The following MAF variants were observed in gnomAD, a reference collection of about 807,000 sequenced individuals.
The protein encoded by MAF is transcription factor Maf.
In MAF, 10 loss-of-function variants were observed where a neutral mutation model predicts 22.0. The ratio of observed to expected loss-of-function variants is 0.45; its 90% CI spans 0.28 to 0.77. The LOEUF (loss-of-function observed/expected upper bound fraction) is 0.77, where lower values mean the gene tolerates loss of function less well. MAF is among the 30% of genes least tolerant of loss of function. MAF has a pLI of 0.12. For missense variants in MAF, 544 were observed against 548.4 expected (o/e 0.99, Z 0.08); for synonymous variants, 337 against 255.8 (o/e 1.32, Z -3.03).
the MAF span, among the ~76,000 whole-genome samples, chr16:79,429,374 G>C: frequency 2.0e-5 from 3 of 152,190 alleles, no homozygotes; most frequent in South Asian, 6.2e-4. Context: ...GCTCTTTTGT[G>C]TGCCTCCTCT....
the MAF span, among the ~76,000 whole-genome samples, chr16:79,393,837 C>G: frequency 6.6e-6 from 1 of 152,072 alleles, no homozygotes; most frequent in African/African-American, 2.4e-5. Context: ...GCCAAGTGAA[C>G]CTCTGAGGAT....
chr16:79,212,076 G>C, the MAF span: 40 of 1,536,300 alleles, frequency 2.6e-5, no homozygotes, highest in East Asian at 1.5e-4. Context: ...TGTAGGTTCC[G>C]TATCTCCCTG....
At chr16:79,275,747 G>A in the MAF span, among the ~76,000 whole-genome samples, 3 of 152,134 alleles carry the variant, frequency 2.0e-5, no homozygotes, top group Non-Finnish European at 4.4e-5. Context: ...TTCCATTTTT[G>A]TTGAGGGGAA....
chr16:79,301,422 T>A, the MAF span, among the ~76,000 whole-genome samples: 2 of 151,924 alleles, frequency 1.3e-5, no homozygotes, highest in Non-Finnish European at 2.9e-5. Context: ...GAAGTGCATT[T>A]TTTCCCCCCA....
At chr16:79,583,844 G>C (rs1258536283), downstream of MAF, among the ~76,000 whole-genome samples, 2 of 152,174 alleles carry the variant, frequency 1.3e-5, no homozygotes, top group Non-Finnish European at 2.9e-5. Context: ...TAGCCAAATC[G>C]GGTGAAAGGC....
At chr16:79,527,001 T>C in the MAF span, among the ~76,000 whole-genome samples, 4 of 152,238 alleles carry the variant, frequency 2.6e-5, no homozygotes, top group Non-Finnish European at 4.4e-5. Flanking sequence ...GAATGACTCA[T>C]AGAATTTCTG....
At chr16:79,357,536 C>T in the MAF span, among the ~76,000 whole-genome samples, 3,309 of 152,282 alleles carry the variant, frequency 0.022, 143 homozygotes, top group East Asian at 0.18. Context: ...TATGGGAACC[C>T]TGCTGGGTCA....
At chr16:79,437,061 C>T in the MAF span, among the ~76,000 whole-genome samples, 6 of 152,298 alleles carry the variant, frequency 3.9e-5, no homozygotes, top group African/African-American at 1.2e-4. Flanking sequence ...ATGTATCCCC[C>T]ACACTGTTAA....
At chr16:79,344,754 C>G in the MAF span, among the ~76,000 whole-genome samples, 1 of 152,156 alleles carries the variant, frequency 6.6e-6, no homozygotes, top group East Asian at 1.9e-4. Context: ...TTAGGTATGT[C>G]TGATCTGGTG....
At chr16:79,571,352 T>C in the MAF span, among the ~76,000 whole-genome samples, 1 of 152,124 alleles carries the variant, frequency 6.6e-6, no homozygotes, top group East Asian at 1.9e-4. Context: ...ACGGCTCCTC[T>C]GCAGAAACAA....
chr16:79,272,466 G>A, the MAF span, among the ~76,000 whole-genome samples: 2 of 152,150 alleles, frequency 1.3e-5, no homozygotes, highest in African/African-American at 4.8e-5. Context: ...CATCAGTGGA[G>A]GGGGAGGTGG....
At chr16:79,502,732 T>TATAC in the MAF span, among the ~76,000 whole-genome samples, 4 of 106,890 alleles carry the variant, frequency 3.7e-5, no homozygotes, top group South Asian at 2.6e-4. Flanking sequence ...TATATATATA[T>TATAC]ATATATATAT....
chr16:79,388,196 C>T, the MAF span, among the ~76,000 whole-genome samples: 22 of 150,486 alleles, frequency 1.5e-4, 1 homozygote, highest in Middle Eastern at 3.4e-3. Flanking sequence ...ATTTATAATG[C>T]CTTAAAACTT....
downstream of MAF, among the ~76,000 whole-genome samples, chr16:79,593,231 G>A (rs566861563): frequency 1.3e-5 from 2 of 152,252 alleles, no homozygotes; most frequent in East Asian, 3.9e-4. Context: ...TGGCCTAAAC[G>A]AAAACAACGG....
At chr16:79,261,136 G>T in the MAF span, among the ~76,000 whole-genome samples, 3 of 151,770 alleles carry the variant, frequency 2.0e-5, no homozygotes, top group African/African-American at 7.2e-5. Flanking sequence ...AGGTGTCGTG[G>T]CTCCCATGGG....
the MAF span, among the ~76,000 whole-genome samples, chr16:79,250,400 C>A: frequency 1.3e-5 from 2 of 152,344 alleles, no homozygotes; most frequent in Admixed American, 6.5e-5. Flanking sequence ...CTCCAATTCC[C>A]AAAGAGACTG....
chr16:79,251,313 T>C, the MAF span, among the ~76,000 whole-genome samples: 2 of 98,858 alleles, frequency 2.0e-5, no homozygotes, highest in Admixed American at 9.5e-5. Flanking sequence ...TTTAAGTCTT[T>C]ATCTTTTTTT....
At chr16:79,500,676 G>C in the MAF span, among the ~76,000 whole-genome samples, 1 of 152,240 alleles carries the variant, frequency 6.6e-6, no homozygotes, top group East Asian at 1.9e-4. Context: ...TCCCTGGGAA[G>C]CATTCTAGGA....
the MAF span, among the ~76,000 whole-genome samples, chr16:79,571,343 C>T: frequency 8.5e-5 from 13 of 152,070 alleles, no homozygotes; most frequent in African/African-American, 2.4e-4. Flanking sequence ...TTTTCCAAAA[C>T]GGCTCCTCTG....
Sources: gnomAD v4.1 joint callset for allele counts (sites outside exome capture counted in the v4.1 genomes callset) on GRCh38, gnomAD v4.1.1 for gene constraint, MANE v1.5 for transcripts, NCBI Gene and HGNC (gene_info 2026-07-23, HGNC 2026-07-21) for gene names.